LRRC7: variants seen among roughly 807,000 people sequenced by gnomAD.
LRRC7 encodes leucine rich repeat containing 7, also known as leucine-rich repeat-containing protein 7.
Under a neutral mutation model 175.7 loss-of-function variants are expected in LRRC7, and 23 were observed. That is an observed-to-expected ratio of 0.13 (90% CI 0.09 to 0.19). The LOEUF is 0.19. LRRC7 is among the 10% of genes least tolerant of loss of function. The pLI, the probability that LRRC7 is intolerant of heterozygous loss-of-function variation, is 1.00. For synonymous variants in LRRC7, 685 were observed against 680.9 expected (o/e 1.01, Z -0.09); for missense variants, 1,354 against 1,904.7 (o/e 0.71, Z 5.38).
intron 7 of LRRC7, among the ~76,000 whole-genome samples, chr1:69,850,498 A>G (rs1200497167): frequency 1.3e-5 from 2 of 152,070 alleles, no homozygotes; most frequent in Non-Finnish European, 2.9e-5. Flanking sequence ...GGGAGACAAC[A>G]CTGAAAAACG....
At chr1:69,750,958 A>G (rs1480844424) in intron 2 of LRRC7, among the ~76,000 whole-genome samples, 2 of 152,184 alleles carry the variant, frequency 1.3e-5, no homozygotes, top group Non-Finnish European at 2.9e-5. Context: ...ATGCTAATGC[A>G]TATGGGATTA....
intron 1 of LRRC7, among the ~76,000 whole-genome samples, chr1:69,601,600 G>A (rs2487762): frequency 0.15 from 23,048 of 151,998 alleles, 1,924 homozygotes; most frequent in Admixed American, 0.19. Context: ...TACTTAGATC[G>A]TATTTTTCCC....
chr1:69,924,344 T>C (rs1049024906), intron 7 of LRRC7, among the ~76,000 whole-genome samples: 7 of 152,182 alleles, frequency 4.6e-5, no homozygotes, highest in Admixed American at 1.3e-4. Flanking sequence ...GTGAAGAAAG[T>C]CATTGGTAGC....
chr1:69,863,634 A>G (rs1684601171), intron 7 of LRRC7, among the ~76,000 whole-genome samples: 1 of 152,360 alleles, frequency 6.6e-6, no homozygotes, highest in South Asian at 2.1e-4. Flanking sequence ...AATCAGAGAG[A>G]CAGACATTAA....
rs559398716 is a variant in LRRC7, at chr1:69,629,285, A to G, written c.3-49096A>G. On this transcript the variant is annotated intron_variant, in intron 1 of 26. Transcript: ENST00000651989. ...AGAAAATGAATTATCTGATTAAAAA[A>G]TAAGCAAAAGATGTGGACAGATACC... Among the ~76,000 whole-genome samples, 118 of 152,332 alleles carry G rather than the reference A, an allele frequency of 7.7e-4. 1 individual carries two copies. The highest frequency in any genetic ancestry group is 1.0e-3 in the Non-Finnish European group (71 of 68,028).
intron 3 of LRRC7, among the ~76,000 whole-genome samples, chr1:69,767,981 C>T (rs995362327): frequency 6.6e-6 from 1 of 152,102 alleles, no homozygotes; most frequent in Non-Finnish European, 1.5e-5. Context: ...CAGGTGAGGG[C>T]TGCAGGAAGA....
At chr1:69,586,049 A>C (rs1159643322) in intron 1 of LRRC7, among the ~76,000 whole-genome samples, 1 of 152,190 alleles carries the variant, frequency 6.6e-6, no homozygotes, top group Non-Finnish European at 1.5e-5. Context: ...AATTAAATCT[A>C]CTGTTGTTAA....
intron 7 of LRRC7, among the ~76,000 whole-genome samples, chr1:69,864,521 G>A (rs1289680307): frequency 6.6e-6 from 1 of 152,186 alleles, no homozygotes; most frequent in African/African-American, 2.4e-5. Context: ...GTGACAGTCA[G>A]CACTCAGTAA....
At chr1:69,741,580 G>C (rs185853777) in intron 2 of LRRC7, among the ~76,000 whole-genome samples, 1 of 151,930 alleles carries the variant, frequency 6.6e-6, no homozygotes, top group African/African-American at 2.4e-5. Context: ...ACAGTGATTA[G>C]CGTAGAAAGA....
chr1:69,794,172 A>G (rs186807734), intron 4 of LRRC7, among the ~76,000 whole-genome samples: 14 of 152,320 alleles, frequency 9.2e-5, no homozygotes, highest in African/African-American at 2.9e-4. Flanking sequence ...TGAAGGAGAC[A>G]ATCAGAACAT....
intron 7 of LRRC7, among the ~76,000 whole-genome samples, chr1:69,870,756 C>T (rs1685449260): frequency 6.6e-6 from 1 of 152,102 alleles, no homozygotes; most frequent in African/African-American, 2.4e-5. Flanking sequence ...ATCACTCCCT[C>T]CATTTTCCAC....
intron 17 of LRRC7, among the ~76,000 whole-genome samples, chr1:70,026,552 G>A (rs1421041440): frequency 6.6e-6 from 1 of 151,926 alleles, no homozygotes; most frequent in African/African-American, 2.4e-5. Flanking sequence ...TACAAATTAA[G>A]TACCCTGGGA....
In LRRC7 at chr1:70,073,664, C is replaced by T. The variant is rs569620806; in HGVS notation, c.4231-2413C>T. ...CTAAGTTTGTCTGGGTGGAAAAATGCTTTGCTTATCTATATGATCACTTTC... is the reference window on the plus strand; with the variant it reads ...CTAAGTTTGTCTGGGTGGAAAAATGTTTTGCTTATCTATATGATCACTTTC... On this transcript the variant is annotated intron_variant, in intron 23 of 26. Coordinates refer to ENST00000651989, the MANE Select transcript of LRRC7 (RefSeq NM_001370785.2). Among the ~76,000 whole-genome samples, 9 of 152,256 alleles carry T rather than the reference C, an allele frequency of 5.9e-5. No individual in the cohort carries two copies. In the South Asian group the frequency reaches 1.9e-3, roughly 32 times the overall value.
intron 1 of LRRC7, among the ~76,000 whole-genome samples, chr1:69,579,238 T>C (rs1012721014): frequency 6.6e-6 from 1 of 152,144 alleles, no homozygotes; most frequent in African/African-American, 2.4e-5. Context: ...GTATTCTCTT[T>C]TTCTGGATGT....
intron 26 of LRRC7, among the ~76,000 whole-genome samples, chr1:70,116,179 C>G (rs1413618230): frequency 6.6e-6 from 1 of 152,218 alleles, no homozygotes; most frequent in Non-Finnish European, 1.5e-5. Context: ...TGAGTATATT[C>G]TATCTTGCCA....
chr1:69,750,426 A>G (rs1471056224), intron 2 of LRRC7, among the ~76,000 whole-genome samples: 1 of 152,170 alleles, frequency 6.6e-6, no homozygotes, highest in Non-Finnish European at 1.5e-5. Flanking sequence ...TATTGCCTGT[A>G]CCCCATAAAT....
chr1:69,760,683 G>A (rs1160806304), intron 3 of LRRC7, among the ~76,000 whole-genome samples: 2 of 151,786 alleles, frequency 1.3e-5, no homozygotes, highest in African/African-American at 4.8e-5. Context: ...GTAGAGGGTT[G>A]AGATCAATAG....
Position 70,132,752 on chromosome 1 carries a change from T to G in LRRC7, c.*10865T>G, listed in dbSNP as rs1329873800. Reference sequence around the variant, plus strand: ...TCCCAAAGTACGGGGATTACAGGCGTGAGACACCGCGCCCGGCCGTACTTT... The same window carrying G: ...TCCCAAAGTACGGGGATTACAGGCGGGAGACACCGCGCCCGGCCGTACTTT... On this transcript the variant is annotated 3_prime_UTR_variant, in exon 27 of 27. Coordinates refer to ENST00000651989, the MANE Select transcript of LRRC7 (RefSeq NM_001370785.2). 6.6e-6 allele frequency among the ~76,000 whole-genome samples: 1 copy of G among 152,086 alleles called. No individual in the cohort carries two copies. Among genetic ancestry groups the G allele is most frequent in the Non-Finnish European group, 1.5e-5 (1 of 68,000 alleles).
Position 69,568,601 on chromosome 1 carries a change from C to T in LRRC7, c.-39C>T, listed in dbSNP as rs1255433648. On this transcript the variant is annotated 5_prime_UTR_variant, in exon 1 of 27. In the 5' UTR this introduces an upstream ATG that the reference lacks. Transcript: ENST00000651989. ...ATAACCCTTGGCAGCTGCACGACTA[C>T]GCTCTCCGAAACCTCATGGGCAGTT... 4.4e-6 allele frequency: 6 copies of T among 1,349,464 alleles called. No homozygotes were observed. Among genetic ancestry groups the T allele is most frequent in the Non-Finnish European group, 5.9e-6 (6 of 1,014,876 alleles). The allele number at this position is 1,349,464 out of a possible 1,614,324, so 83.6% of individuals were successfully genotyped here. A position where few individuals can be genotyped will look rare whatever the true frequency, so the allele number is the denominator to read the frequency against.
Sources: allele counts gnomAD v4.1 joint callset (sites outside exome capture counted in the v4.1 genomes callset), GRCh38; gene constraint gnomAD v4.1.1; transcripts MANE v1.5; gene names NCBI Gene and HGNC (gene_info 2026-07-23, HGNC 2026-07-21).